OR4C46: variants seen among roughly 807,000 people sequenced by gnomAD.
OR4C46 encodes olfactory receptor family 4 subfamily C member 46, also known as olfactory receptor 4C46.
In OR4C46, 17 loss-of-function variants were observed where a neutral mutation model predicts 11.8. The observed-to-expected ratio is 1.44, with a 90% CI of 0.98 to 2.16. The LOEUF (loss-of-function observed/expected upper bound fraction) is 2.16. Among genes scored for constraint, OR4C46 ranks in the 30% most tolerant of loss-of-function variants. OR4C46 has a pLI of 0.00. For missense variants in OR4C46, 606 were observed against 372.1 expected (o/e 1.63, Z -5.17); for synonymous variants, 224 against 137.6 (o/e 1.63, Z -4.39).
chr11:54,603,767 TAGGGGTATTGAC>T lies in OR4C46; in HGVS notation c.220_231del (p.Val74_Pro77del). On this transcript the variant is annotated inframe_deletion, in exon 1 of 1. Transcript: ENST00000328188. The stretch of plus-strand genomic sequence containing the variant: ...CCATAGAGTGAATGTGTGATCAGGT[TAGGGGTATTGAC>T]AGAGGAATAGCAGGCATCAATAAAG... The T allele has an allele frequency of 6.2e-7, 1 of 1,613,694 alleles. No individual in the cohort carries two copies. The highest frequency in any genetic ancestry group is 1.1e-5 in the South Asian group (1 of 91,064).
Position 54,603,273 on chromosome 11 carries a change from G to C in OR4C46, c.726C>G (p.Ile242Met), listed in dbSNP as rs1411060298. The C allele has an allele frequency of 3.7e-6, 6 of 1,613,190 alleles. No individual in the cohort carries two copies. The highest frequency in any genetic ancestry group is 1.1e-5 in the South Asian group (1 of 91,058). The change falls in exon 1 of 1, where the codon ATC (isoleucine) becomes ATG (methionine). Residue 242 changes from isoleucine (I) to methionine (M), a missense_variant. Transcript: ENST00000328188. ...GCACAAAGAATAAGATGACAACCGT[G>C]ATGTGGGAGACACAGGTGGAGAGGG... ...HKALSTCVSH[I>M]TVVILFFVPC... is the part of the protein sequence containing the mutation.
In OR4C46 at chr11:54,603,797, C is replaced by T. The variant is rs765805591; in HGVS notation, c.202G>A (p.Asp68Asn). The change falls in exon 1 of 1, where the codon GAT (aspartate) becomes AAT (asparagine). Residue 68 changes from aspartate (D) to asparagine (N), a missense_variant. By Grantham distance (23) the Asp-to-Asn change is conservative. Coordinates refer to ENST00000328188, the MANE Select transcript of OR4C46 (RefSeq NM_001004703.1). ...GTATTGACAGAGGAATAGCAGGCAT[C>T]AATAAAGGAGAGATAGGCCAGGGAA... The part of the protein sequence containing the change: ...YLSLAYLSFI[D>N]ACYSSVNTPN... 63 of 1,613,520 alleles carry T rather than the reference C, an allele frequency of 3.9e-5. No individual in the cohort carries two copies. Among genetic ancestry groups the T allele is most frequent in the Admixed American group, 8.3e-5 (5 of 59,986 alleles).
In OR4C46 at chr11:54,603,940, T is replaced by C; in HGVS notation, c.59A>G (p.Lys20Arg). ...CACAACAAATATGATTTTCTGCATC[T>C]TTGGATTCTCTGTAAGCCCCAGCAA... ...FVLLGLTENPKMQKIIFVVFF... is the reference protein window; with the variant it reads ...FVLLGLTENPRMQKIIFVVFF... Residue 20 changes from lysine (K) to arginine (R), a missense_variant, in exon 1 of 1, where the codon AAG (lysine) becomes AGG (arginine). Lys to Arg is a conservative substitution (Grantham distance 26). Transcript: ENST00000328188. The C allele has an allele frequency of 6.2e-7, 1 of 1,613,852 alleles. No individual in the cohort carries two copies. The highest frequency in any genetic ancestry group is 1.3e-5 in the African/African-American group (1 of 74,990).
rs1471526594 is a variant in OR4C46 at position 54,603,513 on chromosome 11, G to T, written c.486C>A (p.Phe162Leu). The T allele has an allele frequency of 6.8e-6, 11 of 1,613,690 alleles. No homozygotes were observed. The highest frequency in any genetic ancestry group is 9.3e-6 in the Non-Finnish European group (11 of 1,179,688). Residue 162 changes from phenylalanine (F) to leucine (L), a missense_variant, in exon 1 of 1, where the codon TTC (phenylalanine) becomes TTA (leucine). Physicochemically the swap from Phe to Leu is conservative, Grantham distance 22. Transcript: ENST00000328188. ...LHATIQILFI[F>L]QLPFCGPNVI... ...CATTAGGACCACAGAAAGGTAATTG[G>T]AAGATGAAGAGGATCTGTATGGTTG...
chr11:54,603,980 T>C lies in OR4C46; in HGVS notation c.19A>G (p.Met7Val), dbSNP rs1490885123. 3 of 1,612,566 alleles carry C rather than the reference T, an allele frequency of 1.9e-6. No homozygotes were observed. Among genetic ancestry groups the C allele is most frequent in the South Asian group, 2.2e-5 (2 of 91,050 alleles). Residue 7 changes from methionine to valine, a missense_variant, in exon 1 of 1, where the codon ATG becomes GTG. By Grantham distance (21) the Met-to-Val change is conservative. Coordinates refer to ENST00000328188, the MANE Select transcript of OR4C46 (RefSeq NM_001004703.1). MENRNNMTEFVLLGLTE... is the reference protein window; with the variant it reads MENRNNVTEFVLLGLTE... ...AGCCCCAGCAAAACAAACTCTGTCA[T>C]GTTATTCCTATTCTCCATGTATTTC...
In OR4C46 at chr11:54,603,688, A is replaced by G. The variant is rs1316889219; in HGVS notation, c.311T>C (p.Phe104Ser). ...TAGGATGCCCTCTGCACCTCCGAAG[A>G]AATGTTCTCCAAAGACTTGAGTCAT... is the stretch of plus-strand genomic sequence containing the variant. ...GCMTQVFGEH[F>S]FGGAEGILLT... The change falls in exon 1 of 1, where the codon TTC (phenylalanine) becomes TCC (serine). Residue 104 changes from phenylalanine (F) to serine (S), a missense_variant. Phe to Ser is a radical substitution (Grantham distance 155). Transcript: ENST00000328188. 6.2e-7 allele frequency: 1 copy of G among 1,613,972 alleles called. No homozygotes were observed. Among genetic ancestry groups the G allele is most frequent in the Non-Finnish European group, 8.5e-7 (1 of 1,179,972 alleles).
At position 54,603,152 on chromosome 11, in the gene OR4C46, A is replaced by G; in HGVS notation, c.847T>C (p.Leu283=). ...TGGGCATTCTTCAAGGTATAGATTA[A>G]GGGGTTTAACATAGGAGTTATCATA... ...YTMITPMLNP[L]IYTLKNAQMK... is the part of the protein sequence containing the mutation. Residue 283 remains leucine, a synonymous_variant, in exon 1 of 1, where the codon TTA becomes CTA. Transcript: ENST00000328188. The G allele has an allele frequency of 6.7e-7, 1 of 1,495,184 alleles. No homozygotes were observed. The highest frequency in any genetic ancestry group is 9.3e-7 in the Non-Finnish European group (1 of 1,073,008). The allele number at this position is 1,495,184 out of a possible 1,614,324, so 92.6% of individuals were successfully genotyped here. A position where few individuals can be genotyped will look rare whatever the true frequency, so the allele number is the denominator to read the frequency against.
At position 54,603,079 on chromosome 11, in the gene OR4C46, C is replaced by A. The variant is rs145356603; in HGVS notation, c.920G>T (p.Gly307Val). ...RKLCSRKDIS[G>V]DK is the part of the protein sequence containing the mutation. Reference sequence around the variant, plus strand: ...GAGCTCTAGTTACATTTATTTGTCACCTGAAATGTCCTTTCTACTACACAA... The same window carrying A: ...GAGCTCTAGTTACATTTATTTGTCAACTGAAATGTCCTTTCTACTACACAA... Residue 307 changes from glycine to valine, a missense_variant, in exon 1 of 1, where the codon GGT (glycine) becomes GTT (valine). By Grantham distance (109) the Gly-to-Val change is moderately radical (BLOSUM62 -3). Coordinates refer to ENST00000328188, the MANE Select transcript of OR4C46 (RefSeq NM_001004703.1). 5.3e-4 allele frequency: 807 copies of A among 1,528,344 alleles called. 8 individuals are homozygous for A. The East Asian group carries it at 0.013, about 24-fold the overall frequency. 94.7% of individuals were successfully genotyped at this position (1,528,344 alleles called of 1,614,324 possible).
Position 54,603,563 on chromosome 11 carries a change from C to T in OR4C46, c.436G>A (p.Val146Met). ...GCATGAAGAAAGCCTCCCATCCACA[C>T]CACTCCCATTAGCAGGGCACACACA... ...QCVCALLMGV[V>M]WMGGFLHATI... Residue 146 changes from valine to methionine, a missense_variant, in exon 1 of 1, where the codon GTG (valine) becomes ATG (methionine). Coordinates refer to ENST00000328188, the MANE Select transcript of OR4C46 (RefSeq NM_001004703.1). 1 of 1,614,020 alleles carries T rather than the reference C, an allele frequency of 6.2e-7. No homozygotes were observed. The highest frequency in any genetic ancestry group is 1.7e-5 in the Admixed American group (1 of 60,016).
Position 54,603,745 on chromosome 11 carries a change from T to G in OR4C46, c.254A>C (p.Tyr85Ser), listed in dbSNP as rs200615229. 5 of 1,613,706 alleles carry G rather than the reference T, an allele frequency of 3.1e-6. No homozygotes were observed. Among genetic ancestry groups the G allele is most frequent in the Non-Finnish European group, 4.2e-6 (5 of 1,179,866 alleles). Residue 85 changes from tyrosine (Y) to serine (S), a missense_variant, in exon 1 of 1, where the codon TAT becomes TCT. By Grantham distance (144) the Tyr-to-Ser change is moderately radical. Coordinates refer to ENST00000328188, the MANE Select transcript of OR4C46 (RefSeq NM_001004703.1). ...ATTGAATAGGATGGCCTTCTTTCCA[T>G]AGAGTGAATGTGTGATCAGGTTAGG... ...NTPNLITHSL[Y>S]GKKAILFNGC... is the part of the protein sequence containing the mutation.
Position 54,603,666 on chromosome 11 carries a change from G to A in OR4C46, c.333C>T (p.Ile111=), listed in dbSNP as rs139272510. The change falls in exon 1 of 1, where the codon ATC becomes ATT. Residue 111 remains isoleucine, a synonymous_variant. Transcript: ENST00000328188. ...GGTCATAGGCCATCACAGTAAGTAGGATGCCCTCTGCACCTCCGAAGAAAT... is the reference window on the plus strand; with the variant it reads ...GGTCATAGGCCATCACAGTAAGTAGAATGCCCTCTGCACCTCCGAAGAAAT... ...GEHFFGGAEG[I]LLTVMAYDHY... is the part of the protein sequence containing the mutation. 1.9e-6 allele frequency: 3 copies of A among 1,614,006 alleles called. No individual in the cohort carries two copies. Among genetic ancestry groups the A allele is most frequent in the Non-Finnish European group, 1.7e-6 (2 of 1,180,008 alleles).
rs74396937 is a variant in OR4C46 at position 54,603,640 on chromosome 11, T to C, written c.359A>G (p.His120Arg). The change falls in exon 1 of 1, where the codon CAC (histidine) becomes CGC (arginine). Residue 120 changes from histidine (H) to arginine (R), a missense_variant. Coordinates refer to ENST00000328188, the MANE Select transcript of OR4C46 (RefSeq NM_001004703.1). ...GILLTVMAYD[H>R]YVAICKPLHY... ...CAAGGGCTTGCAGATGGCCACATAG[T>C]GGTCATAGGCCATCACAGTAAGTAG... 196,446 of 1,608,002 alleles carry C rather than the reference T, an allele frequency of 0.12. 14,534 individuals are homozygous for C. The highest frequency in any genetic ancestry group is 0.27 in the South Asian group (24,710 of 90,772).
rs779666317 is a variant in OR4C46 at position 54,603,857 on chromosome 11, T to C, written c.142A>G (p.Thr48Ala). The C allele has an allele frequency of 6.2e-7, 1 of 1,600,286 alleles. No homozygotes were observed. Among genetic ancestry groups the C allele is most frequent in the East Asian group, 2.2e-5 (1 of 44,858 alleles). Residue 48 changes from threonine (T) to alanine (A), a missense_variant, in exon 1 of 1, where the codon ACT becomes GCT. Coordinates refer to ENST00000328188, the MANE Select transcript of OR4C46 (RefSeq NM_001004703.1). Reference sequence around the variant, plus strand: ...GGGGACCCCAGTGATGGGCTGGCAGTGATGGTGACCACAATGAGCACATAT... The same window carrying C: ...GGGGACCCCAGTGATGGGCTGGCAGCGATGGTGACCACAATGAGCACATAT... The part of the protein sequence containing the change: ...VGYVLIVVTI[T>A]ASPSLGSPMY...
At position 54,603,270 on chromosome 11, in the gene OR4C46, C is replaced by T. The variant is rs781550990; in HGVS notation, c.729G>A (p.Thr243=). 1.2e-5 allele frequency: 19 copies of T among 1,613,210 alleles called. No individual in the cohort carries two copies. The highest frequency in any genetic ancestry group is 1.1e-4 in the East Asian group (5 of 44,828). The change falls in exon 1 of 1, where the codon ACG becomes ACA. Residue 243 remains threonine, a synonymous_variant. Transcript: ENST00000328188. ...KALSTCVSHI[T]VVILFFVPCI... is the part of the protein sequence containing the mutation. The stretch of plus-strand genomic sequence containing the variant: ...AGGGCACAAAGAATAAGATGACAAC[C>T]GTGATGTGGGAGACACAGGTGGAGA...
In OR4C46 at chr11:54,603,441, G is replaced by T. The variant is rs753222627; in HGVS notation, c.558C>A (p.Ala186=). The T allele has an allele frequency of 4.3e-6, 7 of 1,613,656 alleles. No individual in the cohort carries two copies. Residue 186 remains alanine (A), a synonymous_variant, in exon 1 of 1, where the codon GCC becomes GCA. Coordinates refer to ENST00000328188, the MANE Select transcript of OR4C46 (RefSeq NM_001004703.1). The part of the protein sequence containing the change: ...MCDLNPLLNL[A]CTDTHMLELF... ...GTTCCAGCATATGGGTGTCAGTGCA[G>T]GCGAGGTTGAGCAAAGGGTTCAGAT... is the stretch of plus-strand genomic sequence containing the variant.
Position 54,603,975 on chromosome 11 carries a change from T to G in OR4C46, c.24A>C (p.Thr8=), listed in dbSNP as rs543962453. 3.1e-6 allele frequency: 5 copies of G among 1,613,234 alleles called. No individual in the cohort carries two copies. Among genetic ancestry groups the G allele is most frequent in the Non-Finnish European group, 3.4e-6 (4 of 1,179,208 alleles). Residue 8 remains threonine, a synonymous_variant, in exon 1 of 1, where the codon ACA becomes ACC. Coordinates refer to ENST00000328188, the MANE Select transcript of OR4C46 (RefSeq NM_001004703.1). MENRNNM[T]EFVLLGLTEN... is the part of the protein sequence containing the mutation. ...CTGTAAGCCCCAGCAAAACAAACTC[T>G]GTCATGTTATTCCTATTCTCCATGT...
rs756025986 is a variant in OR4C46 at position 54,603,329 on chromosome 11, T to C, written c.670A>G (p.Arg224Gly). Residue 224 changes from arginine to glycine, a missense_variant, in exon 1 of 1, where the codon AGG becomes GGG. Coordinates refer to ENST00000328188, the MANE Select transcript of OR4C46 (RefSeq NM_001004703.1). Reference protein sequence around the residue: ...VSYVVILCSLRTHSLEARHKA... With the variant: ...VSYVVILCSLGTHSLEARHKA... ...TGCCTTGCCTCCAAGCTATGAGTCC[T>C]TAGGGAGCACAAGATGACCACATAG... 12 of 1,613,670 alleles carry C rather than the reference T, an allele frequency of 7.4e-6. No homozygotes were observed. The highest frequency in any genetic ancestry group is 1.0e-5 in the Non-Finnish European group (12 of 1,179,796).
rs11246608 is a variant in OR4C46, at chr11:54,603,244, C to T, written c.755G>A (p.Cys252Tyr). 836,678 of 1,603,456 alleles carry T rather than the reference C, an allele frequency of 0.52. 223,757 individuals carry two copies. Among genetic ancestry groups the T allele is most frequent in the Admixed American group, 0.63 (37,606 of 59,912 alleles). Residue 252 changes from cysteine to tyrosine, a missense_variant, in exon 1 of 1, where the codon TGC becomes TAC. Physicochemically the swap from Cys to Tyr is radical, Grantham distance 194. Transcript: ENST00000328188. Reference sequence around the variant, plus strand: ...TGCAGGTCTCATGTACACAAATATGCAGGGCACAAAGAATAAGATGACAAC... The same window carrying T: ...TGCAGGTCTCATGTACACAAATATGTAGGGCACAAAGAATAAGATGACAAC... Reference protein sequence around the residue: ...ITVVILFFVPCIFVYMRPAAT... With the variant: ...ITVVILFFVPYIFVYMRPAAT...
Position 54,603,130 on chromosome 11 carries a change from G to A in OR4C46, c.869C>T (p.Ala290Val), listed in dbSNP as rs139582967. The change falls in exon 1 of 1, where the codon GCC (alanine) becomes GTC (valine). Residue 290 changes from alanine (A) to valine (V), a missense_variant. Transcript: ENST00000328188. ...LNPLIYTLKN[A>V]QMKNAIRKLC... is the part of the protein sequence containing the mutation. ...TTTCCTGATGGCATTTTTCATCTGGGCATTCTTCAAGGTATAGATTAAGGG... is the reference window on the plus strand; with the variant it reads ...TTTCCTGATGGCATTTTTCATCTGGACATTCTTCAAGGTATAGATTAAGGG... 1.4e-4 allele frequency: 208 copies of A among 1,488,702 alleles called. No homozygotes were observed. The highest frequency in any genetic ancestry group is 1.8e-4 in the Non-Finnish European group (197 of 1,079,112). 92.2% of individuals were successfully genotyped at this position (1,488,702 alleles called of 1,614,324 possible).
Sources: gnomAD v4.1 joint callset for allele counts on GRCh38, gnomAD v4.1.1 for gene constraint, MANE v1.5 for transcripts, NCBI Gene and HGNC (gene_info 2026-07-23, HGNC 2026-07-21) for gene names.